PTPRM: variants seen among roughly 807,000 people sequenced by gnomAD.
PTPRM encodes receptor-type tyrosine-protein phosphatase mu.
A neutral mutation model predicts 186.7 loss-of-function variants in PTPRM; 47 were observed. The observed-to-expected ratio is 0.25, with a 90% CI of 0.20 to 0.32. The LOEUF is 0.32. PTPRM is among the 10% of genes least tolerant of loss of function. PTPRM has a pLI of 1.00. For missense variants in PTPRM, 1,494 were observed against 1,865.0 expected (o/e 0.80, Z 3.66); for synonymous variants, 668 against 674.9 (o/e 0.99, Z 0.16).
intron 14 of PTPRM, among the ~76,000 whole-genome samples, chr18:8,213,583 G>A (rs1308399196): frequency 6.6e-6 from 1 of 152,188 alleles, no homozygotes; most frequent in African/African-American, 2.4e-5. Flanking sequence ...GGTGGTGACA[G>A]TTGGTGGAAT....
intron 14 of PTPRM, among the ~76,000 whole-genome samples, chr18:8,228,688 A>T (rs142301636): frequency 0.04 from 5,971 of 151,012 alleles, 383 homozygotes; most frequent in African/African-American, 0.14. Flanking sequence ...AAAAAAAAAA[A>T]AAAAAAATAC....
intron 14 of PTPRM, among the ~76,000 whole-genome samples, chr18:8,228,366 G>A (rs2094241483): frequency 1.3e-5 from 2 of 152,158 alleles, no homozygotes; most frequent in Non-Finnish European, 2.9e-5. Flanking sequence ...AGGTGCCCCA[G>A]CCAGATATAT....
At chr18:7,616,883 G>C (rs185073844) in intron 1 of PTPRM, among the ~76,000 whole-genome samples, 1 of 152,210 alleles carries the variant, frequency 6.6e-6, no homozygotes, top group Admixed American at 6.5e-5. Flanking sequence ...TGCTCTCCTG[G>C]CCAGCGCCCA....
intron 32 of PTPRM, among the ~76,000 whole-genome samples, chr18:8,395,922 A>G (rs1023353650): frequency 7.2e-5 from 11 of 152,230 alleles, no homozygotes; most frequent in Admixed American, 3.3e-4. Flanking sequence ...TCACTGAGGT[A>G]CCCAGTGTGC....
intron 2 of PTPRM, among the ~76,000 whole-genome samples, chr18:7,797,454 T>C (rs1703435990): frequency 6.6e-6 from 1 of 152,180 alleles, no homozygotes; most frequent in Admixed American, 6.5e-5. Context: ...CCACTCAGAG[T>C]AGCCTCATCT....
intron 28 of PTPRM, 80 bp downstream of exon 28, chr18:8,379,420 C>G: frequency 1.5e-6 from 2 of 1,352,654 alleles, no homozygotes; most frequent in South Asian, 3.4e-5. Context: ...CTTCCCCATT[C>G]TGCTCACCAG....
Position 8,252,400 on chromosome 18 carries a change from T to C in PTPRM, c.2555-88T>C, listed in dbSNP as rs1290608029. 59 of 1,078,270 alleles carry C rather than the reference T, an allele frequency of 5.5e-5. No individual in the cohort carries two copies. In the South Asian group the frequency reaches 5.9e-4, roughly 11 times the overall value. The allele number at this position is 1,078,270 out of a possible 1,614,324, so 66.8% of individuals were successfully genotyped here. On this transcript the variant is annotated intron_variant, in intron 17 of 32. Transcript: ENST00000580170. Reference sequence around the variant, plus strand: ...GAAAGTTAAAGCATAAAATAAAAACTACCTGTAATTATGCACGCAGTACTA... The same window carrying C: ...GAAAGTTAAAGCATAAAATAAAAACCACCTGTAATTATGCACGCAGTACTA...
intron 14 of PTPRM, among the ~76,000 whole-genome samples, chr18:8,179,808 G>A (rs1486014446): frequency 6.6e-6 from 1 of 151,976 alleles, no homozygotes; most frequent in East Asian, 1.9e-4. Context: ...TTTTACTTTA[G>A]GACAACAATT....
chr18:7,982,838 ATGT>A (rs1211337190), intron 7 of PTPRM, among the ~76,000 whole-genome samples: 1 of 152,036 alleles, frequency 6.6e-6, no homozygotes, highest in African/African-American at 2.4e-5. Context: ...GTTGATGGAA[ATGT>A]TGTTATGTGG....
intron 22 of PTPRM, among the ~76,000 whole-genome samples, chr18:8,327,355 A>G (rs1006250406): frequency 2.0e-5 from 3 of 152,264 alleles, no homozygotes; most frequent in Non-Finnish European, 2.9e-5. Context: ...CCCATCAGAC[A>G]GAACTGCCAA....
chr18:8,176,499 T>G (rs143146229), intron 14 of PTPRM, among the ~76,000 whole-genome samples: 1 of 152,342 alleles, frequency 6.6e-6, no homozygotes, highest in East Asian at 1.9e-4. Context: ...AATATATGTA[T>G]ACATATGTAG....
chr18:8,056,765 A>AG (rs397812334), intron 7 of PTPRM, among the ~76,000 whole-genome samples: 1 of 151,568 alleles, frequency 6.6e-6, no homozygotes, highest in Non-Finnish European at 1.5e-5. Context: ...AAAAAAAAAA[A>AG]TGGAACATCT....
intron 7 of PTPRM, among the ~76,000 whole-genome samples, chr18:7,982,703 T>C (rs1417356727): frequency 6.6e-6 from 1 of 152,146 alleles, no homozygotes; most frequent in East Asian, 1.9e-4. Context: ...TACAGCACCA[T>C]CACCACAAAC....
chr18:7,812,481 C>G (rs2044577781), intron 2 of PTPRM, among the ~76,000 whole-genome samples: 2 of 152,154 alleles, frequency 1.3e-5, no homozygotes, highest in Non-Finnish European at 2.9e-5. Flanking sequence ...CCTCTTAGGT[C>G]TTAAGCTCCA....
chr18:8,159,497 C>G (rs1184317894), intron 14 of PTPRM, among the ~76,000 whole-genome samples: 1 of 152,116 alleles, frequency 6.6e-6, no homozygotes, highest in Admixed American at 6.5e-5. Context: ...AACTGTAGTC[C>G]ATGTTATCGT....
intron 1 of PTPRM, among the ~76,000 whole-genome samples, chr18:7,762,202 G>C (rs2041808856): frequency 6.6e-6 from 1 of 152,074 alleles, no homozygotes; most frequent in Non-Finnish European, 1.5e-5. Context: ...TGGCAGTGAT[G>C]GTTACCACAT....
intron 11 of PTPRM, among the ~76,000 whole-genome samples, chr18:8,101,524 T>C (rs150472034): frequency 5.5e-4 from 84 of 152,290 alleles, no homozygotes; most frequent in Admixed American, 1.8e-3. Flanking sequence ...CAATAGAAAA[T>C]GAATAATCAT....
chr18:7,922,828 T>C (rs2146754164), intron 4 of PTPRM, among the ~76,000 whole-genome samples: 2 of 152,342 alleles, frequency 1.3e-5, no homozygotes, highest in East Asian at 3.9e-4. Context: ...TGAAAACTTT[T>C]ATCTTAGCAT....
intron 13 of PTPRM, among the ~76,000 whole-genome samples, chr18:8,140,143 C>T (rs957682702): frequency 6.6e-6 from 1 of 152,154 alleles, no homozygotes; most frequent in East Asian, 1.9e-4. Flanking sequence ...CCCGTTCACT[C>T]GGGGTGAAAG....
Sources: allele counts gnomAD v4.1 joint callset (sites outside exome capture counted in the v4.1 genomes callset), GRCh38; gene constraint gnomAD v4.1.1; transcripts MANE v1.5; gene names NCBI Gene and HGNC (gene_info 2026-07-23, HGNC 2026-07-21).